PCGF5: variants seen among roughly 807,000 people sequenced by gnomAD.
PCGF5 encodes polycomb group RING finger protein 5.
PCGF5 carries 9 observed loss-of-function variants against 44.3 expected under a neutral mutation model. The observed-to-expected ratio is 0.20, with a 90% confidence interval of 0.12 to 0.35. The LOEUF is 0.35. Among genes scored for constraint, PCGF5 ranks in the 10% least tolerant of loss-of-function variants. The pLI is 1.00. For missense variants in PCGF5, 146 were observed against 305.3 expected (o/e 0.48, Z 3.89); for synonymous variants, 95 against 102.5 (o/e 0.93, Z 0.44).
rs762568037 is a variant in PCGF5 at position 91,278,368 on chromosome 10, G to A, written c.*52G>A. 1.5e-5 allele frequency: 23 copies of A among 1,491,636 alleles called. No homozygotes were observed. The highest frequency in any genetic ancestry group is 1.5e-4 in the South Asian group (13 of 88,360). 92.4% of individuals were successfully genotyped at this position (1,491,636 alleles called of 1,614,324 possible). On this transcript the variant is annotated 3_prime_UTR_variant, in exon 10 of 10. Coordinates refer to ENST00000336126, the MANE Select transcript of PCGF5 (RefSeq NM_032373.5). Reference sequence around the variant, plus strand: ...TGAATCCTGCACTATTTGTTTACTCGTCAACAGATTGCACAGTTAACGGTG... The same window carrying A: ...TGAATCCTGCACTATTTGTTTACTCATCAACAGATTGCACAGTTAACGGTG...
At chr10:91,238,601 C>CTTTT (rs71487496) in intron 2 of PCGF5, among the ~76,000 whole-genome samples, 830 of 58,564 alleles carry the variant, frequency 0.014, 9 homozygotes, top group East Asian at 0.036. Flanking sequence ...TTCTTTCTTT[C>CTTTT]TTTTTTTTTT....
chr10:91,167,445 A>G (rs1022042679), intron 1 of PCGF5, among the ~76,000 whole-genome samples: 1 of 152,224 alleles, frequency 6.6e-6, no homozygotes, highest in Non-Finnish European at 1.5e-5. Context: ...GCCAGAAAAA[A>G]GGTAAGACTT....
chr10:91,202,939 G>A (rs1241716546), intron 1 of PCGF5, among the ~76,000 whole-genome samples: 1 of 152,174 alleles, frequency 6.6e-6, no homozygotes, highest in African/African-American at 2.4e-5. Flanking sequence ...AAAGAAATGT[G>A]TTTGTGAAAA....
intron 2 of PCGF5, among the ~76,000 whole-genome samples, chr10:91,224,735 C>T (rs1844770752): frequency 6.6e-6 from 1 of 152,098 alleles, no homozygotes; most frequent in South Asian, 2.1e-4. Flanking sequence ...AATAGCAAAT[C>T]AGTTAGAAGC....
the PCGF5 span, among the ~76,000 whole-genome samples, chr10:91,157,312 T>C: frequency 1.3e-5 from 2 of 152,198 alleles, no homozygotes; most frequent in Non-Finnish European, 2.9e-5. Flanking sequence ...CAAGATCACA[T>C]AGCTAGTTAT....
At chr10:91,230,211 T>A (rs1484515740) in intron 2 of PCGF5, among the ~76,000 whole-genome samples, 1 of 152,140 alleles carries the variant, frequency 6.6e-6, no homozygotes, top group Non-Finnish European at 1.5e-5. Flanking sequence ...TGAGAATATA[T>A]CTTGGTCAGA....
intron 2 of PCGF5, among the ~76,000 whole-genome samples, chr10:91,230,518 A>G (rs1009690473): frequency 6.6e-6 from 1 of 152,218 alleles, no homozygotes; most frequent in African/African-American, 2.4e-5. Flanking sequence ...ATATGTATTC[A>G]TATATACATA....
chr10:91,239,864 G>A (rs1430922117), intron 2 of PCGF5, among the ~76,000 whole-genome samples: 1 of 152,080 alleles, frequency 6.6e-6, no homozygotes, highest in Non-Finnish European at 1.5e-5. Context: ...ATCCCTGTCA[G>A]TTTTTCAGTC....
chr10:91,219,263 C>T (rs1475330447), upstream of PCGF5, among the ~76,000 whole-genome samples: 1 of 152,216 alleles, frequency 6.6e-6, no homozygotes, highest in Non-Finnish European at 1.5e-5. Flanking sequence ...AGCTCGTTTC[C>T]TTCAGGAATA....
At position 91,280,125 on chromosome 10, in the gene PCGF5, A is replaced by G. The variant is rs571861201; in HGVS notation, c.*1809A>G. On this transcript the variant is annotated 3_prime_UTR_variant, in exon 10 of 10. Transcript: ENST00000336126. ...AAAGGCAGATTTTCATTAACTATAA[A>G]TGGCTGAAAAAACTGAATTTACTAT... 1 of 152,174 alleles carries G rather than the reference A, an allele frequency of 6.6e-6. No individual in the cohort carries two copies. The highest frequency in any genetic ancestry group is 2.1e-4 in the South Asian group (1 of 4,828). 9.4% of individuals were successfully genotyped at this position (152,174 alleles called of 1,614,324 possible).
chr10:91,207,782 T>C (rs1023397940), intron 1 of PCGF5, among the ~76,000 whole-genome samples: 12 of 152,342 alleles, frequency 7.9e-5, no homozygotes, highest in Non-Finnish European at 1.5e-5. Flanking sequence ...TGTGGACTTA[T>C]TTTATGTTTC....
intron 1 of PCGF5, among the ~76,000 whole-genome samples, chr10:91,187,874 GT>G (rs1289458434): frequency 2.6e-5 from 4 of 151,820 alleles, no homozygotes; most frequent in Non-Finnish European, 5.9e-5. Flanking sequence ...TAAAAACTAA[GT>G]GACTTGACAT....
intron 2 of PCGF5, among the ~76,000 whole-genome samples, chr10:91,238,866 C>T (rs560358770): frequency 1.3e-5 from 2 of 151,968 alleles, no homozygotes; most frequent in African/African-American, 4.8e-5. Flanking sequence ...CTAGGCCAAG[C>T]TTTTATATCT....
chr10:91,224,794 A>G (rs545589431), intron 2 of PCGF5, among the ~76,000 whole-genome samples: 1 of 152,202 alleles, frequency 6.6e-6, no homozygotes, highest in Non-Finnish European at 1.5e-5. Flanking sequence ...AACCAAGGCT[A>G]TAAGATATGA....
intron 6 of PCGF5, among the ~76,000 whole-genome samples, chr10:91,256,506 G>GA (rs1845756450): frequency 6.6e-6 from 1 of 151,812 alleles, no homozygotes; most frequent in Non-Finnish European, 1.5e-5. Flanking sequence ...AGGAAATGGA[G>GA]AAAAAAGGAC....
intron 6 of PCGF5, among the ~76,000 whole-genome samples, chr10:91,257,339 C>T (rs911244852): frequency 1.8e-4 from 27 of 151,974 alleles, no homozygotes; most frequent in Non-Finnish European, 2.5e-4. Context: ...AAATTGAAAC[C>T]TTATACGTTG....
intron 1 of PCGF5, among the ~76,000 whole-genome samples, chr10:91,212,471 T>A (rs1247778457): frequency 2.6e-5 from 4 of 152,222 alleles, no homozygotes; most frequent in Non-Finnish European, 5.9e-5. Flanking sequence ...TCTGGTCAGT[T>A]AGAGGAAATG....
chr10:91,169,147 T>C (rs1051254162), intron 1 of PCGF5, among the ~76,000 whole-genome samples: 1 of 152,010 alleles, frequency 6.6e-6, no homozygotes, highest in Non-Finnish European at 1.5e-5. Flanking sequence ...TTATTTACGG[T>C]ATAATATCTG....
At chr10:91,236,331 A>T (rs1224000474) in intron 2 of PCGF5, among the ~76,000 whole-genome samples, 1 of 152,212 alleles carries the variant, frequency 6.6e-6, no homozygotes, top group African/African-American at 2.4e-5. Context: ...TAATCCATAC[A>T]GAGTCCTGAG....
Sources: allele counts gnomAD v4.1 joint callset (sites outside exome capture counted in the v4.1 genomes callset), GRCh38; gene constraint gnomAD v4.1.1; transcripts MANE v1.5; gene names NCBI Gene and HGNC (gene_info 2026-07-23, HGNC 2026-07-21).